Variants in PRKCZ observed in about 807,000 individuals in gnomAD.
The protein encoded by PRKCZ is protein kinase C zeta.
Under a neutral mutation model 79.5 loss-of-function variants are expected in PRKCZ, and 33 were observed. The ratio of observed to expected loss-of-function variants is 0.41; its 90% CI spans 0.31 to 0.55. The LOEUF (loss-of-function observed/expected upper bound fraction) is 0.55, where lower values mean the gene tolerates loss of function less well. PRKCZ is among the 20% of genes least tolerant of loss of function. The probability of loss-of-function intolerance (pLI) is 0.19; values close to 1 mark genes in which losing one functional copy is unlikely to be tolerated. For missense variants in PRKCZ, 578 were observed against 813.5 expected, an observed-to-expected ratio of 0.71 and a Z score of 3.52; for synonymous variants, 342 against 320.9, an observed-to-expected ratio of 1.07 and a Z score of -0.70.
intron 4 of PRKCZ, among the ~76,000 whole-genome samples, chr1:2,109,731 C>A (rs943914700): frequency 3.9e-5 from 6 of 152,166 alleles, no homozygotes; most frequent in Non-Finnish European, 8.8e-5. Flanking sequence ...TCTCATTCTC[C>A]CCATTGTACA....
intron 4 of PRKCZ, among the ~76,000 whole-genome samples, chr1:2,122,570 T>C (rs1275960743): frequency 2.0e-4 from 2 of 9,872 alleles, no homozygotes; most frequent in African/African-American, 1.4e-3. Flanking sequence ...GTTAGGGTCG[T>C]GGTGGTTAGG....
Position 2,144,422 on chromosome 1 carries a change from T to G in PRKCZ, c.552+81T>G. Reference sequence around the variant, plus strand: ...GCCAGCCCATTGTCCAAGCAGACCTTGGTGACCCTGGGTTCTTCAAGAGGG... The same window carrying G: ...GCCAGCCCATTGTCCAAGCAGACCTGGGTGACCCTGGGTTCTTCAAGAGGG... On this transcript the variant is annotated intron_variant, in intron 6 of 17. Transcript: ENST00000378567. The G allele has an allele frequency of 2.0e-6, 3 of 1,520,404 alleles. No homozygotes were observed. The East Asian group carries it at 7.4e-5, about 38-fold the overall frequency. The allele number at this position is 1,520,404 out of a possible 1,614,324, so 94.2% of individuals were successfully genotyped here. A position where few individuals can be genotyped will look rare whatever the true frequency, so the allele number is the denominator to read the frequency against.
chr1:2,125,720 G>C lies in PRKCZ; in HGVS notation c.335-9542G>C, dbSNP rs1267897871. Among the ~76,000 whole-genome samples the C allele has an allele frequency of 6.6e-6, 1 of 152,240 alleles. No homozygotes were observed. Among genetic ancestry groups the C allele is most frequent in the African/African-American group, 2.4e-5 (1 of 41,458 alleles). ...TTATTCGAAGGAGGCTGGAGTGTGG[G>C]CGGAGGGCAGCGCCAGGTTTCCCAA... is the stretch of plus-strand genomic sequence containing the variant. On this transcript the variant is annotated intron_variant, in intron 4 of 17. Transcript: ENST00000378567. The surrounding 1 kb of genome is among the most constrained non-coding windows in gnomAD (Gnocchi z 4.2).
At chr1:2,110,714 TGTGA>T (rs1669563474) in intron 4 of PRKCZ, among the ~76,000 whole-genome samples, 1 of 136,058 alleles carries the variant, frequency 7.3e-6, no homozygotes, top group Non-Finnish European at 1.6e-5. Flanking sequence ...CCTGAAACCC[TGTGA>T]GTGTGGGTGG....
chr1:2,139,777 G>C (rs911529157), intron 5 of PRKCZ, among the ~76,000 whole-genome samples: 9 of 152,212 alleles, frequency 5.9e-5, no homozygotes, highest in Non-Finnish European at 1.2e-4. Flanking sequence ...TCGGAGGTTT[G>C]TGTATGGGGA....
chr1:2,106,495 A>G (rs4648801), intron 4 of PRKCZ, among the ~76,000 whole-genome samples: 8,618 of 68,574 alleles, frequency 0.13, 880 homozygotes, highest in Non-Finnish European at 0.16. Flanking sequence ...CACACGTGTC[A>G]CCAGGCCAGG....
intron 4 of PRKCZ, among the ~76,000 whole-genome samples, chr1:2,119,688 C>T (rs1478027128): frequency 5.3e-5 from 8 of 152,296 alleles, no homozygotes; most frequent in Non-Finnish European, 8.8e-5. Flanking sequence ...TCCTGCAGGA[C>T]GGCGCTTACA....
At chr1:2,158,362 C>T (rs549769689) in intron 10 of PRKCZ, among the ~76,000 whole-genome samples, 3 of 152,366 alleles carry the variant, frequency 2.0e-5, no homozygotes, top group East Asian at 3.9e-4. Context: ...GCTTCCTGTG[C>T]GTGTGGACGA....
intron 4 of PRKCZ, among the ~76,000 whole-genome samples, chr1:2,109,629 C>T (rs567408235): frequency 9.2e-5 from 14 of 152,314 alleles, no homozygotes; most frequent in Admixed American, 7.2e-4. Context: ...TGGAGAGTCC[C>T]GGCCGTGGTG....
chr1:2,088,156 G>T (rs1475190055), intron 4 of PRKCZ, among the ~76,000 whole-genome samples: 1 of 152,162 alleles, frequency 6.6e-6, no homozygotes, highest in African/African-American at 2.4e-5. Context: ...AGGCCACTCA[G>T]CAGTGTCCTC....
chr1:2,109,256 T>A (rs1669227936), intron 4 of PRKCZ, among the ~76,000 whole-genome samples: 1 of 152,170 alleles, frequency 6.6e-6, no homozygotes, highest in Admixed American at 6.5e-5. Context: ...GAGGTTTCTG[T>A]CCTCTGCTGG....
chr1:2,176,268 C>T (rs972118454), intron 16 of PRKCZ, among the ~76,000 whole-genome samples: 4 of 152,144 alleles, frequency 2.6e-5, no homozygotes, highest in African/African-American at 4.8e-5. Flanking sequence ...AGGGGCTCTG[C>T]GTGCAGGGGG....
At chr1:2,159,938 T>C (rs147462368) in intron 10 of PRKCZ, among the ~76,000 whole-genome samples, 1 of 152,258 alleles carries the variant, frequency 6.6e-6, no homozygotes, top group East Asian at 1.9e-4. Context: ...CCCCGCCCCA[T>C]TCAACTGGAG....
intron 4 of PRKCZ, among the ~76,000 whole-genome samples, chr1:2,081,552 G>T (rs1663518455): frequency 6.6e-6 from 1 of 152,224 alleles, no homozygotes. Context: ...GAGGTGATTG[G>T]TACTGCAGCC....
intron 10 of PRKCZ, among the ~76,000 whole-genome samples, chr1:2,164,858 G>A (rs1298218201): frequency 6.6e-6 from 1 of 152,148 alleles, no homozygotes; most frequent in Non-Finnish European, 1.5e-5. Flanking sequence ...CCCTGCCGAG[G>A]CTGGGTGTTC....
At chr1:2,056,458 T>C in intron 2 of PRKCZ, 26 bp from the exon 3 acceptor site, 1 of 1,607,326 alleles carries the variant, frequency 6.2e-7, no homozygotes, top group Non-Finnish European at 8.5e-7. Context: ...TTCGGCGACG[T>C]CAGCACCGTC....
chr1:2,064,281 A>G (rs1307624796), intron 4 of PRKCZ, among the ~76,000 whole-genome samples: 1 of 152,228 alleles, frequency 6.6e-6, no homozygotes, highest in Admixed American at 6.5e-5. Context: ...CGTAGCAGAT[A>G]TATGATTAGC....
At chr1:2,145,864 C>A (rs1005720353) in intron 6 of PRKCZ, among the ~76,000 whole-genome samples, 163 bp from the exon 7 acceptor site, 1 of 152,306 alleles carries the variant, frequency 6.6e-6, no homozygotes, top group East Asian at 1.9e-4. Context: ...TGCAGTGAGC[C>A]GTGATCGCGC....
rs1028214860 is a variant in PRKCZ, at chr1:2,178,156, G to A, written c.1575+2843G>A. On this transcript the variant is annotated intron_variant, in intron 16 of 17. Transcript: ENST00000378567. The surrounding 1 kb of genome is among the most constrained non-coding windows in gnomAD (Gnocchi z 4.3). ...TCCCAGAGTTACATGACGTCATCGC[G>A]ATCACTTTCATCACCCTGTACCCAG... Among the ~76,000 whole-genome samples the A allele has an allele frequency of 5.3e-5, 8 of 152,138 alleles. No homozygotes were observed. The South Asian group carries it at 8.3e-4, about 16-fold the overall frequency.
Sources: allele counts gnomAD v4.1 joint callset (sites outside exome capture counted in the v4.1 genomes callset), GRCh38; gene constraint gnomAD v4.1.1; non-coding constraint Gnocchi (gnomAD v3.1); transcripts MANE v1.5; gene names NCBI Gene and HGNC (gene_info 2026-07-23, HGNC 2026-07-21).